The following FSD2 variants were observed in gnomAD, a reference collection of about 807,000 sequenced individuals.
FSD2 encodes the protein fibronectin type III and SPRY domain-containing protein 2.
FSD2 carries 71 observed loss-of-function variants against 80.4 expected under a neutral mutation model. The ratio of observed to expected loss-of-function variants is 0.88; its 90% CI spans 0.73 to 1.08. The LOEUF (loss-of-function observed/expected upper bound fraction) is 1.08. FSD2 is among the 50% of genes least tolerant of loss of function. The probability of loss-of-function intolerance (pLI) is 0.00; values close to 1 mark genes in which losing one functional copy is unlikely to be tolerated. For synonymous variants in FSD2, 361 were observed against 329.5 expected, an observed-to-expected ratio of 1.10 and a Z score of -1.03; for missense variants, 923 against 913.8, an observed-to-expected ratio of 1.01 and a Z score of -0.13.
intron 1 of FSD2, among the ~76,000 whole-genome samples, chr15:82,804,979 T>C (rs991523667): frequency 6.6e-6 from 1 of 152,112 alleles, no homozygotes; most frequent in Non-Finnish European, 1.5e-5. Context: ...AACTAAAGCT[T>C]AGAGAAGTAA....
chr15:82,771,236 A>G (rs540344946), intron 7 of FSD2, among the ~76,000 whole-genome samples: 5 of 152,302 alleles, frequency 3.3e-5, no homozygotes, highest in Admixed American at 6.5e-5. Flanking sequence ...TTCTGCCATA[A>G]CTCACTGTGT....
In FSD2 at chr15:82,772,203, T is replaced by C. The variant is rs1008377496; in HGVS notation, c.1137A>G (p.Pro379=). The change falls in exon 7 of 13, where the codon CCA becomes CCG. Residue 379 remains proline, a synonymous_variant. Transcript: ENST00000334574. ...AACCTGTGGCTGAGTTAGGGACCTG[T>C]GGATTTATGACTGGAGCAGAAGGAG... The part of the protein sequence containing the change: ...IPAPSAPVIN[P]QVPNSATGSS... 8.1e-6 allele frequency: 13 copies of C among 1,612,104 alleles called. No individual in the cohort carries two copies. Among genetic ancestry groups the C allele is most frequent in the Non-Finnish European group, 9.3e-6 (11 of 1,179,310 alleles).
Position 82,758,127 on chromosome 15 carries a change from G to T in FSD2, c.*1221C>A, listed in dbSNP as rs2151481460. The T allele has an allele frequency of 6.6e-6, 1 of 152,080 alleles. No homozygotes were observed. Among genetic ancestry groups the T allele is most frequent in the East Asian group, 1.9e-4 (1 of 5,180 alleles). The allele number at this position is 152,080 out of a possible 1,614,324, so 9.4% of individuals were successfully genotyped here. A position where few individuals can be genotyped will look rare whatever the true frequency, so the allele number is the denominator to read the frequency against. On this transcript the variant is annotated 3_prime_UTR_variant, in exon 13 of 13. Transcript: ENST00000334574. Reference sequence around the variant, plus strand: ...GGTTTCGCCAGAAAAAAGAAAAGTGGACTTTTTTTTTTTAAACACAAAACC... The same window carrying T: ...GGTTTCGCCAGAAAAAAGAAAAGTGTACTTTTTTTTTTTAAACACAAAACC...
rs1278066064 is a variant in FSD2 at position 82,756,711 on chromosome 15, C to A, written c.*2637G>T. ...AGATTCTGTGGTGGTTTTACATATTCTTTTTCCCCTTTGTTAAGGTGGGGA... is the reference window on the plus strand; with the variant it reads ...AGATTCTGTGGTGGTTTTACATATTATTTTTCCCCTTTGTTAAGGTGGGGA... On this transcript the variant is annotated 3_prime_UTR_variant, in exon 13 of 13. Coordinates refer to ENST00000334574, the MANE Select transcript of FSD2 (RefSeq NM_001007122.4). 6.6e-6 allele frequency: 1 copy of A among 152,152 alleles called. No homozygotes were observed. The highest frequency in any genetic ancestry group is 2.4e-5 in the African/African-American group (1 of 41,422). 9.4% of individuals were successfully genotyped at this position (152,152 alleles called of 1,614,324 possible). A position where few individuals can be genotyped will look rare whatever the true frequency, so the allele number is the denominator to read the frequency against.
rs2049866187 is a variant in FSD2 at position 82,781,914 on chromosome 15, A to T, written c.966+881T>A. 4.0e-5 allele frequency among the ~76,000 whole-genome samples: 6 copies of T among 151,082 alleles called. No individual in the cohort carries two copies. The South Asian group carries it at 1.0e-3, about 26-fold the overall frequency. On this transcript the variant is annotated intron_variant, in intron 4 of 12. Transcript: ENST00000334574. ...CTCTACTAAAAAAAAAAATACAAAA[A>T]TTAGCTGGGCGTGGTGGCGGGTGCC... is the stretch of plus-strand genomic sequence containing the variant.
At chr15:82,765,380 G>C in intron 10 of FSD2, 82 bp from the exon 11 acceptor site, 2 of 1,581,102 alleles carry the variant, frequency 1.3e-6, no homozygotes, top group Middle Eastern at 2.1e-4. Context: ...GTTTAGCTTC[G>C]TGTGGGATAC....
chr15:82,779,728 A>C (rs138095135), intron 5 of FSD2, among the ~76,000 whole-genome samples: 75 of 151,912 alleles, frequency 4.9e-4, no homozygotes, highest in Non-Finnish European at 9.3e-4. Flanking sequence ...CAGGGATTAC[A>C]TTATGAAATC....
chr15:82,782,645 A>G (rs575485268), intron 4 of FSD2, 150 bp downstream of exon 4: 1 of 679,268 alleles, frequency 1.5e-6, no homozygotes, highest in East Asian at 2.5e-5. Flanking sequence ...CATCCAGTGG[A>G]ATCAAATGGA....
At chr15:82,785,018 C>T (rs1408316910) in intron 3 of FSD2, among the ~76,000 whole-genome samples, 1 of 152,132 alleles carries the variant, frequency 6.6e-6, no homozygotes, top group African/African-American at 2.4e-5. Flanking sequence ...GGATGGGTAT[C>T]CTGTAATACC....
intron 4 of FSD2, among the ~76,000 whole-genome samples, chr15:82,782,065 AAATAAT>A (rs71455428): frequency 0.21 from 22,211 of 106,794 alleles, 2,184 homozygotes; most frequent in East Asian, 0.41. Context: ...CTCCATCTCA[AAATAAT>A]AATAATAATA....
At chr15:82,800,723 T>C (rs1176875615) in intron 1 of FSD2, among the ~76,000 whole-genome samples, 2 of 98,466 alleles carry the variant, frequency 2.0e-5, no homozygotes, top group Admixed American at 1.0e-4. Flanking sequence ...AGCCCCTCAG[T>C]CAGGCTCTTG....
intron 1 of FSD2, among the ~76,000 whole-genome samples, chr15:82,788,469 C>T (rs138273857): frequency 3.9e-4 from 53 of 135,788 alleles, no homozygotes; most frequent in African/African-American, 1.2e-3. Context: ...CACACCACTG[C>T]GCTCCAGCCT....
chr15:82,774,889 T>C (rs1468135263), intron 6 of FSD2, among the ~76,000 whole-genome samples: 1 of 151,498 alleles, frequency 6.6e-6, no homozygotes, highest in East Asian at 2.0e-4. Flanking sequence ...AGCCAGCTAA[T>C]TTTTGTATTT....
chr15:82,799,069 G>A (rs1404164729), intron 1 of FSD2, among the ~76,000 whole-genome samples: 1 of 151,816 alleles, frequency 6.6e-6, no homozygotes, highest in Non-Finnish European at 1.5e-5. Context: ...GTAGAGACAC[G>A]GTCTCACTAT....
intron 3 of FSD2, among the ~76,000 whole-genome samples, chr15:82,785,436 T>A (rs566755015): frequency 3.3e-5 from 5 of 152,120 alleles, no homozygotes; most frequent in Admixed American, 2.6e-4. Context: ...GCAATTCTCC[T>A]GCCTCAGCCT....
Position 82,786,952 on chromosome 15 carries a change from G to C in FSD2, c.439C>G (p.Arg147Gly). ...CCGTGTGTGTACCTATAGGCTTCCC[G>C]CAAGTCCTGGCACTGGCCTGCTGAG... ...WGSAGQCQDL[R>G]EAYRYTHGRA... Residue 147 changes from arginine (R) to glycine (G), a missense_variant, in exon 2 of 13, where the codon CGG becomes GGG. Physicochemically the swap from Arg to Gly is moderately radical, Grantham distance 125. Transcript: ENST00000334574. The C allele has an allele frequency of 6.2e-7, 1 of 1,613,960 alleles. No homozygotes were observed. The highest frequency in any genetic ancestry group is 2.2e-5 in the East Asian group (1 of 44,872).
chr15:82,801,299 G>A (rs963766839), intron 1 of FSD2, among the ~76,000 whole-genome samples: 6 of 152,204 alleles, frequency 3.9e-5, no homozygotes, highest in Non-Finnish European at 8.8e-5. Context: ...CTGGTGCTCC[G>A]TACCAACTAT....
At chr15:82,765,123 C>A (rs781753329) in intron 11 of FSD2, 43 bp downstream of exon 11, 27 of 1,554,258 alleles carry the variant, frequency 1.7e-5, no homozygotes, top group Non-Finnish European at 1.9e-5. Flanking sequence ...AGTGCACCTT[C>A]GGGAAGTTCA....
intron 1 of FSD2, among the ~76,000 whole-genome samples, chr15:82,803,600 C>T (rs2050463366): frequency 1.3e-5 from 2 of 152,172 alleles, no homozygotes; most frequent in South Asian, 4.1e-4. Flanking sequence ...AAACCCCATA[C>T]TCATCCAACA....
Sources: allele counts gnomAD v4.1 joint callset (sites outside exome capture counted in the v4.1 genomes callset), GRCh38; gene constraint gnomAD v4.1.1; transcripts MANE v1.5; gene names NCBI Gene and HGNC (gene_info 2026-07-23, HGNC 2026-07-21).